Variants in PTPRR observed in about 807,000 individuals in gnomAD.
The protein encoded by PTPRR is receptor-type tyrosine-protein phosphatase R.
PTPRR carries 38 observed loss-of-function variants against 77.2 expected under a neutral mutation model. That is an observed-to-expected ratio of 0.49 (90% CI 0.38 to 0.65). The LOEUF (loss-of-function observed/expected upper bound fraction) is 0.65, where lower values mean the gene tolerates loss of function less well. PTPRR is among the 30% of genes least tolerant of loss of function. The pLI is 0.00. For synonymous variants in PTPRR, 299 were observed against 283.1 expected (o/e 1.06, Z -0.57); for missense variants, 744 against 799.2 (o/e 0.93, Z 0.83).
intron 2 of PTPRR, among the ~76,000 whole-genome samples, chr12:70,804,389 C>T (rs897965450): frequency 6.6e-6 from 1 of 151,882 alleles, no homozygotes; most frequent in Non-Finnish European, 1.5e-5. Flanking sequence ...AACCCTGTCT[C>T]TACCAAAAAA....
intron 6 of PTPRR, among the ~76,000 whole-genome samples, chr12:70,728,562 T>TATATATATATATA (rs1889541442): frequency 1.5e-5 from 2 of 131,962 alleles, no homozygotes; most frequent in African/African-American, 5.8e-5. Context: ...TATATATATA[T>TATATATATATATA]ATGCCAGTTG....
intron 5 of PTPRR, among the ~76,000 whole-genome samples, chr12:70,753,471 A>G (rs539775497): frequency 1.3e-5 from 2 of 152,200 alleles, no homozygotes; most frequent in Non-Finnish European, 2.9e-5. Context: ...AAATTTTCAA[A>G]TGAGTAGAAA....
chr12:70,728,191 T>A (rs1173256423), intron 6 of PTPRR, among the ~76,000 whole-genome samples: 1 of 146,442 alleles, frequency 6.8e-6, no homozygotes, highest in African/African-American at 2.5e-5. Flanking sequence ...CAGAAGTGTT[T>A]CAGATTTTGG....
At chr12:70,723,462 T>C (rs1360105506) in intron 6 of PTPRR, among the ~76,000 whole-genome samples, 2 of 152,228 alleles carry the variant, frequency 1.3e-5, no homozygotes, top group East Asian at 3.8e-4. Flanking sequence ...GTCATAAATT[T>C]TGCCCAGGAC....
At chr12:70,667,611 G>A (rs549574339) in intron 10 of PTPRR, among the ~76,000 whole-genome samples, 5 of 152,180 alleles carry the variant, frequency 3.3e-5, no homozygotes, top group Middle Eastern at 3.4e-3. Flanking sequence ...TGGTCTCTTT[G>A]CTTCCTGTTG....
chr12:70,757,363 A>G (rs1440451630), intron 4 of PTPRR, among the ~76,000 whole-genome samples: 1 of 152,238 alleles, frequency 6.6e-6, no homozygotes, highest in Non-Finnish European at 1.5e-5. Flanking sequence ...ATGTCAACAC[A>G]GAACTTACCG....
Position 70,661,042 on chromosome 12 carries a change from T to C in PTPRR, c.1664A>G (p.His555Arg). ...KHYWYTSWPD[H>R]KTPDSAQPLL... ...GGGCTGGGCACTGTCTGGAGTCTTG[T>C]GATCAGGCCATGAGGTGTACCAGTA... is the stretch of plus-strand genomic sequence containing the variant. The change falls in exon 12 of 14, where the codon CAC becomes CGC. Residue 555 changes from histidine (H) to arginine (R), a missense_variant. His to Arg is a conservative substitution (Grantham distance 29). This residue lies in a region of PTPRR where 170 missense variants were observed against 209.8 expected (regional missense o/e 0.81). Transcript: ENST00000283228. 1.9e-6 allele frequency: 3 copies of C among 1,613,462 alleles called. No individual in the cohort carries two copies. The highest frequency in any genetic ancestry group is 2.5e-6 in the Non-Finnish European group (3 of 1,179,764).
chr12:70,759,106 T>C (rs1206461677), intron 4 of PTPRR, among the ~76,000 whole-genome samples: 2 of 152,162 alleles, frequency 1.3e-5, no homozygotes, highest in Non-Finnish European at 2.9e-5. Flanking sequence ...AGCTAATTTT[T>C]AACTTTTTTT....
intron 2 of PTPRR, among the ~76,000 whole-genome samples, chr12:70,860,817 A>G (rs1892740164): frequency 6.6e-6 from 1 of 152,172 alleles, no homozygotes; most frequent in Admixed American, 6.6e-5. Flanking sequence ...TTGAATTCCT[A>G]TTATGTGTCA....
intron 6 of PTPRR, among the ~76,000 whole-genome samples, chr12:70,742,864 A>G (rs1296906758): frequency 6.6e-6 from 1 of 152,172 alleles, no homozygotes; most frequent in Non-Finnish European, 1.5e-5. Flanking sequence ...GAAGCTGAGG[A>G]TATTACTGGT....
chr12:70,671,870 C>T, intron 10 of PTPRR: 1 of 644,962 alleles, frequency 1.6e-6, no homozygotes. Flanking sequence ...TCTGGCCCCA[C>T]AAGCACTAAC....
chr12:70,735,032 T>C (rs962430906), intron 6 of PTPRR, among the ~76,000 whole-genome samples: 2 of 152,118 alleles, frequency 1.3e-5, no homozygotes, highest in Non-Finnish European at 2.9e-5. Flanking sequence ...TTTATTTTTT[T>C]AGAATAAAAA....
chr12:70,656,283 G>A lies in PTPRR; in HGVS notation c.1880+421C>T, dbSNP rs373411619. ...GGTGGCTCATGCCTGTAATCTCAGC[G>A]CTTTGGGAAGCCCAAGTGGGAGATT... is the stretch of plus-strand genomic sequence containing the variant. On this transcript the variant is annotated intron_variant, in intron 13 of 13. Transcript: ENST00000283228. Among the ~76,000 whole-genome samples the A allele has an allele frequency of 7.2e-5, 11 of 152,134 alleles. No individual in the cohort carries two copies. In the East Asian group the frequency reaches 7.7e-4, roughly 11 times the overall value.
chr12:70,745,243 G>A (rs1890175340), intron 6 of PTPRR, among the ~76,000 whole-genome samples: 1 of 152,108 alleles, frequency 6.6e-6, no homozygotes, highest in African/African-American at 2.4e-5. Flanking sequence ...GGCCAGGCTG[G>A]TCTTGAACTC....
At chr12:70,747,474 G>A (rs747753085) in intron 5 of PTPRR, among the ~76,000 whole-genome samples, 2 of 152,158 alleles carry the variant, frequency 1.3e-5, no homozygotes, top group Non-Finnish European at 2.9e-5. Context: ...TTGCTTGCCT[G>A]TTTACACTTG....
chr12:70,656,352 A>G (rs1886577394), intron 13 of PTPRR, among the ~76,000 whole-genome samples: 1 of 152,138 alleles, frequency 6.6e-6, no homozygotes, highest in South Asian at 2.1e-4. Flanking sequence ...TAATGTAACA[A>G]GACCCCATCT....
intron 6 of PTPRR, among the ~76,000 whole-genome samples, chr12:70,714,507 T>C (rs1252208317): frequency 1.3e-5 from 2 of 152,298 alleles, no homozygotes; most frequent in Non-Finnish European, 2.9e-5. Context: ...TTACATTATA[T>C]ATTGGAAAAT....
At chr12:70,835,208 T>C (rs984385176) in intron 2 of PTPRR, among the ~76,000 whole-genome samples, 1 of 152,170 alleles carries the variant, frequency 6.6e-6, no homozygotes, top group Non-Finnish European at 1.5e-5. Context: ...ATTGCTTTTA[T>C]GATTAAAAGA....
chr12:70,734,002 C>T (rs139015015), intron 6 of PTPRR, among the ~76,000 whole-genome samples: 1 of 152,154 alleles, frequency 6.6e-6, no homozygotes, highest in Non-Finnish European at 1.5e-5. Context: ...CCAAAAACTC[C>T]TAAGGCAAAA....
Sources: gnomAD v4.1 joint callset for allele counts (sites outside exome capture counted in the v4.1 genomes callset) on GRCh38, gnomAD v4.1.1 for gene constraint, gnomAD v4.1.1 regional missense constraint, MANE v1.5 for transcripts, NCBI Gene and HGNC (gene_info 2026-07-23, HGNC 2026-07-21) for gene names.